The following PTPRN2 variants were observed in gnomAD, a reference collection of about 807,000 sequenced individuals.
PTPRN2 encodes the protein protein tyrosine phosphatase receptor type N2, also known as receptor-type tyrosine-protein phosphatase N2.
Under a neutral mutation model 118.8 loss-of-function variants are expected in PTPRN2, and 74 were observed. The ratio of observed to expected loss-of-function variants is 0.62; its 90% CI spans 0.52 to 0.76. The LOEUF is 0.76. Among genes scored for constraint, PTPRN2 ranks in the 30% least tolerant of loss-of-function variants. The pLI is 0.00. For synonymous variants in PTPRN2, 641 were observed against 608.0 expected, an observed-to-expected ratio of 1.05 and a Z score of -0.80; for missense variants, 1,481 against 1,394.4, an observed-to-expected ratio of 1.06 and a Z score of -0.99.
At chr7:158,580,328 T>G (rs773775358) in intron 1 of PTPRN2, among the ~76,000 whole-genome samples, 6 of 152,260 alleles carry the variant, frequency 3.9e-5, no homozygotes, top group Non-Finnish European at 8.8e-5. Flanking sequence ...GTATTTCACA[T>G]TTGGAACCAG....
intron 3 of PTPRN2, among the ~76,000 whole-genome samples, chr7:158,219,768 A>G (rs1828215123): frequency 1.3e-5 from 2 of 152,002 alleles, no homozygotes; most frequent in South Asian, 4.1e-4. Context: ...CTTCTAGAAC[A>G]CCTTGAAGAA....
chr7:158,114,144 T>C (rs1016278391), intron 9 of PTPRN2, among the ~76,000 whole-genome samples: 1 of 152,142 alleles, frequency 6.6e-6, no homozygotes, highest in African/African-American at 2.4e-5. Context: ...GTTACAGCAA[T>C]GGAAAGGTGA....
intron 12 of PTPRN2, among the ~76,000 whole-genome samples, chr7:157,762,503 C>T (rs1469453840): frequency 1.3e-5 from 2 of 149,132 alleles, no homozygotes; most frequent in African/African-American, 5.0e-5. Context: ...AACAAAAAAC[C>T]GAACACCGCA....
chr7:158,324,510 T>TG (rs1470418364), intron 2 of PTPRN2, among the ~76,000 whole-genome samples: 1 of 151,540 alleles, frequency 6.6e-6, no homozygotes, highest in South Asian at 2.1e-4. Context: ...AGGCTGGTGG[T>TG]GGGGGCACCC....
chr7:158,198,249 C>T (rs10263846), intron 4 of PTPRN2, among the ~76,000 whole-genome samples: 33,549 of 152,096 alleles, frequency 0.22, 4,301 homozygotes, highest in African/African-American at 0.34. Context: ...TATGTTACGG[C>T]AATGAGAGGG....
At chr7:158,343,085 C>T (rs1291061637) in intron 2 of PTPRN2, among the ~76,000 whole-genome samples, 2 of 152,176 alleles carry the variant, frequency 1.3e-5, no homozygotes, top group Non-Finnish European at 2.9e-5. Context: ...ATTAAAACTT[C>T]TGTGCATCAA....
chr7:158,149,636 T>C (rs1317999308), intron 6 of PTPRN2, among the ~76,000 whole-genome samples: 2 of 151,978 alleles, frequency 1.3e-5, no homozygotes, highest in African/African-American at 4.8e-5. Context: ...AAACCCCATC[T>C]CTACTAAAAA....
chr7:158,233,418 G>A (rs1322029188), intron 3 of PTPRN2, among the ~76,000 whole-genome samples: 2 of 151,942 alleles, frequency 1.3e-5, no homozygotes, highest in East Asian at 1.9e-4. Context: ...AATTGAAGAC[G>A]ACACAAAAAA....
At chr7:158,331,645 C>T (rs1804474506) in intron 2 of PTPRN2, among the ~76,000 whole-genome samples, 1 of 146,942 alleles carries the variant, frequency 6.8e-6, no homozygotes, top group Admixed American at 6.7e-5. Context: ...AGAGGTGACA[C>T]CTGCAGACGT....
intron 2 of PTPRN2, among the ~76,000 whole-genome samples, chr7:158,473,723 A>ACTTG (rs1266288197): frequency 5.6e-4 from 86 of 152,338 alleles, no homozygotes; most frequent in African/African-American, 2.0e-3. Context: ...CAGCTTTGAA[A>ACTTG]ACCACACAGC....
chr7:158,333,302 T>TGC (rs1804867208), intron 2 of PTPRN2, among the ~76,000 whole-genome samples: 1 of 46,128 alleles, frequency 2.2e-5, no homozygotes, highest in Admixed American at 1.9e-4. Context: ...AGAGGTGACA[T>TGC]CTGCAGACGT....
intron 12 of PTPRN2, among the ~76,000 whole-genome samples, chr7:157,860,687 G>T (rs1246835491): frequency 6.6e-6 from 1 of 152,236 alleles, no homozygotes; most frequent in Non-Finnish European, 1.5e-5. Context: ...CACTAAACGT[G>T]TTGAGATAAT....
chr7:157,847,117 C>A (rs3943763), intron 12 of PTPRN2, among the ~76,000 whole-genome samples: 12 of 78,316 alleles, frequency 1.5e-4, no homozygotes, highest in East Asian at 1.0e-3. Flanking sequence ...CATGTGTGCC[C>A]GATGTCTACA....
At chr7:158,547,359 T>C (rs1311622968) in intron 1 of PTPRN2, among the ~76,000 whole-genome samples, 3 of 151,498 alleles carry the variant, frequency 2.0e-5, no homozygotes, top group African/African-American at 7.3e-5. Flanking sequence ...CTATGCTGAC[T>C]CCCCAGCCCC....
chr7:158,195,167 A>C (rs1256220610), intron 4 of PTPRN2, among the ~76,000 whole-genome samples: 1 of 152,218 alleles, frequency 6.6e-6, no homozygotes, highest in East Asian at 1.9e-4. Context: ...TATTTCTGAG[A>C]AAGCCAATAA....
At chr7:158,549,878 A>C (rs748024515) in intron 1 of PTPRN2, among the ~76,000 whole-genome samples, 9 of 152,228 alleles carry the variant, frequency 5.9e-5, no homozygotes, top group Non-Finnish European at 1.2e-4. Context: ...CAGAGTTTAG[A>C]AATGACTTGG....
intron 1 of PTPRN2, among the ~76,000 whole-genome samples, chr7:158,516,718 C>G (rs1823596713): frequency 1.3e-5 from 2 of 150,706 alleles, no homozygotes; most frequent in Admixed American, 1.3e-4. Flanking sequence ...GTGCTTCTGC[C>G]TTTTGTTCCT....
Position 158,546,147 on chromosome 7 carries a change from T to G in PTPRN2, c.112+41411A>C, listed in dbSNP as rs1826266794. The stretch of plus-strand genomic sequence containing the variant: ...GGTCATGCAGAAAAGCAGGACTGGG[T>G]GTGAGCATGAGGACAGGAAGGGGGA... On this transcript the variant is annotated intron_variant, in intron 1 of 22. Transcript: ENST00000389418. This position sits in a 1 kb window ranked among gnomAD's most constrained non-coding sequence, Gnocchi z 5.0. 6.6e-6 allele frequency among the ~76,000 whole-genome samples: 1 copy of G among 151,696 alleles called. No individual in the cohort carries two copies. The highest frequency in any genetic ancestry group is 2.4e-5 in the African/African-American group (1 of 41,230).
chr7:158,530,708 T>G (rs1825156825), intron 1 of PTPRN2, among the ~76,000 whole-genome samples: 1 of 152,198 alleles, frequency 6.6e-6, no homozygotes, highest in Admixed American at 6.5e-5. Context: ...GAGTGAGTGC[T>G]GGGGTTGCAA....
Sources: gnomAD v4.1 joint callset for allele counts (sites outside exome capture counted in the v4.1 genomes callset) on GRCh38, gnomAD v4.1.1 for gene constraint, Gnocchi (gnomAD v3.1) non-coding constraint, MANE v1.5 for transcripts, NCBI Gene and HGNC (gene_info 2026-07-23, HGNC 2026-07-21) for gene names.